CNTN5: variants seen among roughly 807,000 people sequenced by gnomAD.
The protein encoded by CNTN5 is contactin-5.
In CNTN5, 77 loss-of-function variants were observed where a neutral mutation model predicts 129.1. The ratio of observed to expected loss-of-function variants is 0.60; its 90% CI spans 0.50 to 0.72. CNTN5 has a LOEUF of 0.72. Ranked by LOEUF, CNTN5 falls within the 30% of genes least tolerant of loss-of-function variation. CNTN5 has a pLI of 0.00. For synonymous variants in CNTN5, 509 were observed against 465.6 expected (o/e 1.09, Z -1.20); for missense variants, 1,478 against 1,328.8 (o/e 1.11, Z -1.75).
intron 2 of CNTN5, among the ~76,000 whole-genome samples, chr11:99,419,988 G>A (rs1489297563): frequency 6.6e-6 from 1 of 152,078 alleles, no homozygotes; most frequent in East Asian, 1.9e-4. Flanking sequence ...TTCAGTTTAA[G>A]GAAGGAGACA....
chr11:99,400,169 A>T (rs2136208886), intron 2 of CNTN5, among the ~76,000 whole-genome samples: 1 of 151,758 alleles, frequency 6.6e-6, no homozygotes, highest in East Asian at 1.9e-4. Flanking sequence ...CCCCTCTACC[A>T]CCCACTACCC....
At chr11:99,553,238 G>T (rs2135528713) in intron 2 of CNTN5, among the ~76,000 whole-genome samples, 1 of 152,196 alleles carries the variant, frequency 6.6e-6, no homozygotes, top group East Asian at 1.9e-4. Context: ...CCAAATTCCT[G>T]TTTGTGACTT....
chr11:99,648,033 C>T (rs1952029193), intron 3 of CNTN5, among the ~76,000 whole-genome samples: 1 of 151,926 alleles, frequency 6.6e-6, no homozygotes, highest in Non-Finnish European at 1.5e-5. Context: ...CTGGTTTCCT[C>T]ATTCAGTATG....
chr11:100,340,051 A>C (rs1266782408), intron 21 of CNTN5, among the ~76,000 whole-genome samples: 1 of 152,176 alleles, frequency 6.6e-6, no homozygotes, highest in Non-Finnish European at 1.5e-5. Flanking sequence ...TGTGAAGCTC[A>C]AGAGGAAATA....
At chr11:99,330,698 T>C (rs1865965230) in intron 2 of CNTN5, among the ~76,000 whole-genome samples, 1 of 152,102 alleles carries the variant, frequency 6.6e-6, no homozygotes, top group South Asian at 2.1e-4. Flanking sequence ...TATGCCTCAG[T>C]GCTGGAAGCT....
chr11:99,863,929 G>A (rs1295429575), intron 6 of CNTN5, among the ~76,000 whole-genome samples: 1 of 152,130 alleles, frequency 6.6e-6, no homozygotes, highest in African/African-American at 2.4e-5. Flanking sequence ...GGTACACAGA[G>A]TGAATCTTGG....
At chr11:99,929,267 G>T (rs1396092354) in intron 7 of CNTN5, among the ~76,000 whole-genome samples, 2 of 152,090 alleles carry the variant, frequency 1.3e-5, no homozygotes, top group East Asian at 3.9e-4. Context: ...TGTCTTCTGA[G>T]CCCTCTAAGT....
intron 2 of CNTN5, among the ~76,000 whole-genome samples, chr11:99,437,944 C>T (rs1033533170): frequency 1.3e-5 from 2 of 152,264 alleles, no homozygotes; most frequent in South Asian, 2.1e-4. Flanking sequence ...ATGTATTTTC[C>T]ATATATTAAA....
chr11:99,776,881 A>G (rs1316419060), intron 3 of CNTN5, among the ~76,000 whole-genome samples: 1 of 151,968 alleles, frequency 6.6e-6, no homozygotes, highest in East Asian at 1.9e-4. Context: ...CTTTCTAGCA[A>G]CTGGTAAAGT....
intron 1 of CNTN5, among the ~76,000 whole-genome samples, chr11:99,187,368 T>C (rs994838285): frequency 2.7e-5 from 4 of 147,908 alleles, no homozygotes; most frequent in African/African-American, 1.0e-4. Context: ...GGTTTTGGAG[T>C]CGGATACATG....
chr11:99,623,361 G>C (rs621166), intron 3 of CNTN5, among the ~76,000 whole-genome samples: 67,226 of 151,814 alleles, frequency 0.44, 15,296 homozygotes, highest in Admixed American at 0.58. Flanking sequence ...TACTATCTTT[G>C]ACTAAGTTTT....
intron 3 of CNTN5, among the ~76,000 whole-genome samples, chr11:99,591,135 C>T (rs950165004): frequency 5.9e-5 from 9 of 151,908 alleles, no homozygotes; most frequent in South Asian, 2.1e-4. Flanking sequence ...AGAGGCTTTA[C>T]GAGACGTTTA....
In CNTN5 at chr11:99,962,572, G is replaced by C. The variant is rs565279593; in HGVS notation, c.877+5563G>C. Among the ~76,000 whole-genome samples, 31 of 151,428 alleles carry C rather than the reference G, an allele frequency of 2.0e-4. No individual in the cohort carries two copies. The East Asian group carries it at 4.1e-3, about 20-fold the overall frequency. On this transcript the variant is annotated intron_variant, in intron 8 of 24. Coordinates refer to ENST00000524871, the MANE Select transcript of CNTN5 (RefSeq NM_014361.4). Reference sequence around the variant, plus strand: ...CAGTCTATCATTGTTGGACATTTGGGTTGGTTCCAAGTCTTTGCTATTGTG... The same window carrying C: ...CAGTCTATCATTGTTGGACATTTGGCTTGGTTCCAAGTCTTTGCTATTGTG...
At chr11:100,095,040 G>A (rs1259733591) in intron 13 of CNTN5, among the ~76,000 whole-genome samples, 1 of 152,066 alleles carries the variant, frequency 6.6e-6, no homozygotes, top group East Asian at 1.9e-4. Flanking sequence ...CCAGTGAACT[G>A]AGTATTTTAG....
intron 13 of CNTN5, among the ~76,000 whole-genome samples, chr11:100,080,235 G>A (rs1291438400): frequency 6.6e-6 from 1 of 152,020 alleles, no homozygotes; most frequent in Middle Eastern, 3.2e-3. Context: ...ATTCAAACTG[G>A]TGCTTAAGAA....
intron 4 of CNTN5, among the ~76,000 whole-genome samples, chr11:99,830,875 A>C (rs1947118088): frequency 6.6e-6 from 1 of 152,184 alleles, no homozygotes; most frequent in Non-Finnish European, 1.5e-5. Flanking sequence ...GTGCAAGGTT[A>C]CTGGGAGCTT....
chr11:99,243,736 A>ATTTTTTTTTTTTTTTTTTT (rs35250111), intron 1 of CNTN5, among the ~76,000 whole-genome samples: 1 of 117,692 alleles, frequency 8.5e-6, no homozygotes, highest in Non-Finnish European at 1.8e-5. Context: ...CCTATTGCTT[A>ATTTTTTTTTTTTTTTTTTT]TTTTTTTTTT....
intron 9 of CNTN5, among the ~76,000 whole-genome samples, chr11:100,027,655 C>T (rs531109151): frequency 2.0e-5 from 3 of 152,308 alleles, no homozygotes; most frequent in Non-Finnish European, 4.4e-5. Context: ...GCACAGCTGT[C>T]CTCTCTCGTT....
chr11:99,507,800 C>T (rs1946682766), intron 2 of CNTN5, among the ~76,000 whole-genome samples: 1 of 152,120 alleles, frequency 6.6e-6, no homozygotes. Flanking sequence ...TTTCTTCCAG[C>T]TTCTTTTCCG....
Sources: allele counts gnomAD v4.1 joint callset (sites outside exome capture counted in the v4.1 genomes callset), GRCh38; gene constraint gnomAD v4.1.1; transcripts MANE v1.5; gene names NCBI Gene and HGNC (gene_info 2026-07-23, HGNC 2026-07-21).